Variants in WDR76 observed in about 807,000 individuals in gnomAD.
The protein encoded by WDR76 is WD repeat domain 76, also known as WD repeat-containing protein 76.
WDR76 carries 52 observed loss-of-function variants against 70.2 expected under a neutral mutation model. The observed-to-expected ratio is 0.74, with a 90% CI of 0.59 to 0.93. The LOEUF is 0.93. Among genes scored for constraint, WDR76 ranks in the 40% least tolerant of loss-of-function variants. The probability of loss-of-function intolerance (pLI) is 0.00; values close to 1 mark genes in which losing one functional copy is unlikely to be tolerated. For synonymous variants in WDR76, 292 were observed against 271.1 expected, an observed-to-expected ratio of 1.08 and a Z score of -0.76; for missense variants, 756 against 760.2, an observed-to-expected ratio of 0.99 and a Z score of 0.07.
chr15:43,839,541 T>C, intron 4 of WDR76, 64 bp from the exon 5 acceptor site: 2 of 1,502,602 alleles, frequency 1.3e-6, no homozygotes, highest in South Asian at 1.3e-5. Flanking sequence ...GTTATCTCTT[T>C]AGTATTAGTA....
chr15:43,846,310 C>G (rs757043921), intron 8 of WDR76, among the ~76,000 whole-genome samples: 2 of 147,084 alleles, frequency 1.4e-5, no homozygotes, highest in Non-Finnish European at 3.0e-5. Flanking sequence ...CCCTGAGATA[C>G]GGTCCCACTC....
chr15:43,864,082 A>G (rs1002616180), intron 12 of WDR76: 1 of 152,212 alleles, frequency 6.6e-6, no homozygotes, highest in African/African-American at 2.4e-5. Flanking sequence ...TTTACTTAAC[A>G]TAATGTCTCC....
At chr15:43,855,391 G>T (rs2087915524) in intron 9 of WDR76, among the ~76,000 whole-genome samples, 1 of 152,232 alleles carries the variant, frequency 6.6e-6, no homozygotes, top group South Asian at 2.1e-4. Flanking sequence ...ACCAGGATTT[G>T]TGTGACTCCA....
chr15:43,858,681 A>G lies in WDR76; in HGVS notation c.1420A>G (p.Ile474Val). 1 of 1,613,952 alleles carries G rather than the reference A, an allele frequency of 6.2e-7. No individual in the cohort carries two copies. Among genetic ancestry groups the G allele is most frequent in the Non-Finnish European group, 8.5e-7 (1 of 1,179,932 alleles). Residue 474 changes from isoleucine (I) to valine (V), a missense_variant, in exon 11 of 13, where the codon ATT becomes GTT. By Grantham distance (29) the Ile-to-Val change is conservative. Transcript: ENST00000263795. The stretch of plus-strand genomic sequence containing the variant: ...TTTCTCCCATTACAGGGATACTCAT[A>G]TTTATGATGCAAGGCGATTGAATTC... ...FITAGLRDTH[I>V]YDARRLNSRR...
rs763791133 is a variant in WDR76, at chr15:43,843,989, C to G, written c.967C>G (p.Pro323Ala). The G allele has an allele frequency of 1.1e-5, 17 of 1,613,810 alleles. No homozygotes were observed. ...CCCAATATTCTCTATGGCTCTCCATCCATCAGAAACTAGAACTTTGGTAGC... is the reference window on the plus strand; with the variant it reads ...CCCAATATTCTCTATGGCTCTCCATGCATCAGAAACTAGAACTTTGGTAGC... ...TGPIFSMALH[P>A]SETRTLVAVG... is the part of the protein sequence containing the mutation. The change falls in exon 8 of 13, where the codon CCA becomes GCA. Residue 323 changes from proline (P) to alanine (A), a missense_variant. Transcript: ENST00000263795.
At chr15:43,844,400 C>T (rs1025118839) in intron 8 of WDR76, among the ~76,000 whole-genome samples, 6 of 149,536 alleles carry the variant, frequency 4.0e-5, no homozygotes, top group Non-Finnish European at 7.4e-5. Context: ...GTCGGATCAC[C>T]TGAGGTCAGG....
intron 8 of WDR76, among the ~76,000 whole-genome samples, chr15:43,844,711 C>T (rs886206553): frequency 1.2e-4 from 18 of 150,930 alleles, no homozygotes; most frequent in African/African-American, 3.9e-4. Flanking sequence ...AGATCGAGAC[C>T]GTCCTGGCTA....
At chr15:43,856,292 T>C (rs2087925973) in intron 9 of WDR76, among the ~76,000 whole-genome samples, 1 of 151,698 alleles carries the variant, frequency 6.6e-6, no homozygotes, top group Admixed American at 6.6e-5. Context: ...GTATAAGCAT[T>C]AAACATTTTG....
chr15:43,842,270 T>C (rs1254819575), intron 5 of WDR76, 145 bp from the exon 6 acceptor site: 1 of 646,652 alleles, frequency 1.5e-6, no homozygotes, highest in Non-Finnish European at 2.7e-6. Flanking sequence ...TATTGAACAA[T>C]TATTTTGAAT....
intron 6 of WDR76, 52 bp downstream of exon 6, chr15:43,842,568 A>G (rs2087738961): frequency 1.3e-6 from 2 of 1,582,848 alleles, no homozygotes; most frequent in African/African-American, 1.4e-5. Context: ...AAGGAAATAT[A>G]TATATATGTA....
chr15:43,831,993 G>A (rs1432538654), intron 2 of WDR76, among the ~76,000 whole-genome samples: 2 of 151,456 alleles, frequency 1.3e-5, no homozygotes, highest in Non-Finnish European at 2.9e-5. Flanking sequence ...GTGATCTGCC[G>A]GCTTCAGTCT....
In WDR76 at chr15:43,835,160, G is replaced by T. The variant is rs2087639672; in HGVS notation, c.552+10G>T. 6.2e-7 allele frequency: 1 copy of T among 1,613,776 alleles called. No homozygotes were observed. The highest frequency in any genetic ancestry group is 1.1e-5 in the South Asian group (1 of 91,078). The stretch of plus-strand genomic sequence containing the variant: ...TCTTCAGTTGTCTGAGGTTTGTGTG[G>T]AGTCTATTTAAAAGCAAGATGCAGG... On this transcript the variant is annotated intron_variant, in intron 3 of 12. Coordinates refer to ENST00000263795, the MANE Select transcript of WDR76 (RefSeq NM_024908.4).
chr15:43,828,876 A>C (rs898171990), intron 2 of WDR76, among the ~76,000 whole-genome samples: 3 of 150,102 alleles, frequency 2.0e-5, no homozygotes, highest in Non-Finnish European at 4.4e-5. Context: ...ATTCCAATCA[A>C]TTTAAGGAAT....
chr15:43,863,562 A>ATTTT (rs1595456476), intron 12 of WDR76, among the ~76,000 whole-genome samples: 1 of 146,624 alleles, frequency 6.8e-6, no homozygotes, highest in Admixed American at 6.8e-5. Flanking sequence ...TCTTTTTTAA[A>ATTTT]AAAAAAAAAA....
chr15:43,865,771 G>A (rs1195028830), intron 12 of WDR76, among the ~76,000 whole-genome samples: 1 of 152,206 alleles, frequency 6.6e-6, no homozygotes, highest in Non-Finnish European at 1.5e-5. Flanking sequence ...TTTCATTAAT[G>A]ATGGGGTCAT....
chr15:43,866,526 A>G lies in WDR76; in HGVS notation c.*134A>G, dbSNP rs529432193. On this transcript the variant is annotated 3_prime_UTR_variant, in exon 13 of 13. Transcript: ENST00000263795. ...ATAACATTGTTTTATTAATAAGACT[A>G]TAAGAAGAGTGTACTTTTAGTAAGG... The G allele has an allele frequency of 7.6e-6, 8 of 1,057,146 alleles. No individual in the cohort carries two copies. In the East Asian group the frequency reaches 1.3e-4, roughly 17 times the overall value. The allele number at this position is 1,057,146 out of a possible 1,614,324, so 65.5% of individuals were successfully genotyped here. A position where few individuals can be genotyped will look rare whatever the true frequency, so the allele number is the denominator to read the frequency against.
Position 43,851,227 on chromosome 15 carries a change from C to G in WDR76, c.1173C>G (p.Ser391=), listed in dbSNP as rs1174790532. 6.2e-7 allele frequency: 1 copy of G among 1,614,054 alleles called. No homozygotes were observed. Among genetic ancestry groups the G allele is most frequent in the Admixed American group, 1.7e-5 (1 of 59,980 alleles). Residue 391 remains serine, a synonymous_variant, in exon 9 of 13, where the codon TCC becomes TCG. Coordinates refer to ENST00000263795, the MANE Select transcript of WDR76 (RefSeq NM_024908.4). ...GCACGTTACGCTGTGGGGATTTTTC[C>G]AGGGCTATTTTTGAAGAGGTAAATG... ...YDGTLRCGDF[S]RAIFEEVYRN...
intron 4 of WDR76, among the ~76,000 whole-genome samples, chr15:43,838,412 T>C (rs2087684204): frequency 6.6e-6 from 1 of 151,990 alleles, no homozygotes; most frequent in Non-Finnish European, 1.5e-5. Context: ...TCTGGAACTC[T>C]GGACCTCAAG....
chr15:43,831,957 C>T (rs1403168489), intron 2 of WDR76, among the ~76,000 whole-genome samples: 2 of 151,824 alleles, frequency 1.3e-5, no homozygotes, highest in Non-Finnish European at 2.9e-5. Context: ...CCATATTGGC[C>T]AGGCTGGTCT....
Sources: allele counts gnomAD v4.1 joint callset (sites outside exome capture counted in the v4.1 genomes callset), GRCh38; gene constraint gnomAD v4.1.1; transcripts MANE v1.5; gene names NCBI Gene and HGNC (gene_info 2026-07-23, HGNC 2026-07-21).